IMPA1: variants seen among roughly 807,000 people sequenced by gnomAD.
The protein encoded by IMPA1 is D-galactose 1-phosphate phosphatase.
IMPA1 carries 21 observed loss-of-function variants against 34.9 expected under a neutral mutation model. The observed-to-expected ratio is 0.60, with a 90% CI of 0.43 to 0.87. The LOEUF (loss-of-function observed/expected upper bound fraction) is 0.87. Among genes scored for constraint, IMPA1 ranks in the 40% least tolerant of loss-of-function variants. The pLI is 0.00. For missense variants in IMPA1, 299 were observed against 336.4 expected, an observed-to-expected ratio of 0.89 and a Z score of 0.87; for synonymous variants, 95 against 104.4, an observed-to-expected ratio of 0.91 and a Z score of 0.55.
chr8:81,680,574 C>G, intron 3 of IMPA1, 76 bp downstream of exon 3: 1 of 1,110,404 alleles, frequency 9.0e-7, no homozygotes, highest in Middle Eastern at 2.9e-4. Context: ...ACCGTGTAGT[C>G]AAGCTACTCT....
At chr8:81,678,000 T>C (rs1481768621) in intron 4 of IMPA1, among the ~76,000 whole-genome samples, 1 of 152,236 alleles carries the variant, frequency 6.6e-6, no homozygotes, top group Non-Finnish European at 1.5e-5. Flanking sequence ...CTTACATTAA[T>C]GTACTACTCA....
chr8:81,661,023 C>T (rs1806658662), intron 7 of IMPA1, among the ~76,000 whole-genome samples: 1 of 152,142 alleles, frequency 6.6e-6, no homozygotes, highest in Admixed American at 6.5e-5. Context: ...CACATATACA[C>T]ATACCCACAA....
At chr8:81,682,038 T>C (rs1224977270) in intron 1 of IMPA1, among the ~76,000 whole-genome samples, 1 of 152,060 alleles carries the variant, frequency 6.6e-6, no homozygotes, top group Non-Finnish European at 1.5e-5. Context: ...GGTTCAGAGA[T>C]GAGAAATAAT....
chr8:81,679,667 G>C (rs1055439530), intron 3 of IMPA1, among the ~76,000 whole-genome samples: 5 of 151,128 alleles, frequency 3.3e-5, no homozygotes, highest in Admixed American at 1.3e-4. Context: ...TTCTATTGTT[G>C]CTTCTTCTTC....
At chr8:81,678,627 G>T in intron 4 of IMPA1, 1 of 188,880 alleles carries the variant, frequency 5.3e-6, no homozygotes, top group Non-Finnish European at 1.1e-5. Flanking sequence ...GGGAGGTGGG[G>T]GTTGCAGTGA....
In IMPA1 at chr8:81,667,645, T is replaced by C. The variant is rs1284688137; in HGVS notation, c.566+3294A>G. 2.6e-5 allele frequency among the ~76,000 whole-genome samples: 4 copies of C among 152,204 alleles called. No individual in the cohort carries two copies. In the East Asian group the frequency reaches 5.8e-4, roughly 22 times the overall value. On this transcript the variant is annotated intron_variant, in intron 7 of 8. Coordinates refer to ENST00000256108, the MANE Select transcript of IMPA1 (RefSeq NM_005536.4). ...CTTAGAAGACAAGGCCAGGGAAAGT[T>C]TGGAATGCCTTAGAGATTGAGTTAA... is the stretch of plus-strand genomic sequence containing the variant.
At position 81,665,933 on chromosome 8, in the gene IMPA1, G is replaced by A. The variant is rs185739837; in HGVS notation, c.566+5006C>T. On this transcript the variant is annotated intron_variant, in intron 7 of 8. Transcript: ENST00000256108. The stretch of plus-strand genomic sequence containing the variant: ...AACTCAGGGAAAACTGTGCACATGT[G>A]CCCTCCCCCAAGGAATCTACTAGAG... 1.2e-4 allele frequency among the ~76,000 whole-genome samples: 19 copies of A among 152,284 alleles called. No homozygotes were observed. In the East Asian group the frequency reaches 2.5e-3, roughly 20 times the overall value.
chr8:81,686,273 C>T lies in IMPA1; in HGVS notation c.-46G>A, dbSNP rs1807523878. 1.0e-6 allele frequency: 1 copy of T among 999,628 alleles called. No homozygotes were observed. The highest frequency in any genetic ancestry group is 6.0e-5 in the Admixed American group (1 of 16,568). The allele number at this position is 999,628 out of a possible 1,614,324, so 61.9% of individuals were successfully genotyped here. On this transcript the variant is annotated 5_prime_UTR_variant, in exon 1 of 9. Coordinates refer to ENST00000256108, the MANE Select transcript of IMPA1 (RefSeq NM_005536.4). ...TCACCTTGAGTCGGAGGACGTCCGG[C>T]TAGCTCTGTGAACGGTGTTACCGCA... is the stretch of plus-strand genomic sequence containing the variant.
intron 7 of IMPA1, 67 bp downstream of exon 7, chr8:81,670,872 A>G (rs1806965979): frequency 1.3e-6 from 1 of 749,856 alleles, no homozygotes; most frequent in Non-Finnish European, 2.2e-6. Context: ...GGTACAGGAA[A>G]AAAAAAAGGT....
At chr8:81,673,590 T>C (rs1014587622) in intron 6 of IMPA1, among the ~76,000 whole-genome samples, 5 of 152,204 alleles carry the variant, frequency 3.3e-5, no homozygotes, top group East Asian at 1.9e-4. Context: ...GGGTTCACAA[T>C]AGGAAGCCAG....
intron 7 of IMPA1, among the ~76,000 whole-genome samples, chr8:81,661,652 G>A (rs1015079029): frequency 6.6e-6 from 1 of 152,160 alleles, no homozygotes; most frequent in African/African-American, 2.4e-5. Flanking sequence ...ACAACTAAAT[G>A]CAATACATGA....
rs564356666 is a variant in IMPA1, at chr8:81,683,789, T to C, written c.-24-2205A>G. On this transcript the variant is annotated intron_variant, in intron 1 of 8. Transcript: ENST00000256108. ...CAACTGAGGTCCTGAGTCTGGATAA[T>C]CACTGGATAGGCATGATTGACAACT... is the stretch of plus-strand genomic sequence containing the variant. Among the ~76,000 whole-genome samples, 11 of 151,204 alleles carry C rather than the reference T, an allele frequency of 7.3e-5. No individual in the cohort carries two copies. In the South Asian group the frequency reaches 1.9e-3, roughly 26 times the overall value.
intron 8 of IMPA1, 64 bp downstream of exon 8, chr8:81,660,452 A>G: frequency 6.7e-7 from 1 of 1,498,034 alleles, no homozygotes; most frequent in Non-Finnish European, 9.2e-7. Context: ...AGTTTTTTAA[A>G]TTCTACATAT....
chr8:81,673,699 C>A (rs911211579), intron 6 of IMPA1, 142 bp downstream of exon 6: 1 of 589,718 alleles, frequency 1.7e-6, no homozygotes. Context: ...ACATTCAAAG[C>A]TGAAGTCAAA....
At chr8:81,663,958 G>C (rs1806747126) in intron 7 of IMPA1, among the ~76,000 whole-genome samples, 1 of 152,036 alleles carries the variant, frequency 6.6e-6, no homozygotes, top group Non-Finnish European at 1.5e-5. Flanking sequence ...AGAATCACTT[G>C]AACCCCGGAG....
Position 81,665,717 on chromosome 8 carries a change from G to A in IMPA1, c.567-5050C>T, listed in dbSNP as rs141108515. ...TTCAGGGGAAAAAAAACAGCCTCCA[G>A]TTAAAAGATAAAATAATGTAAAAGC... On this transcript the variant is annotated intron_variant, in intron 7 of 8. Coordinates refer to ENST00000256108, the MANE Select transcript of IMPA1 (RefSeq NM_005536.4). Among the ~76,000 whole-genome samples the A allele has an allele frequency of 1.4e-4, 21 of 152,188 alleles. No individual in the cohort carries two copies. In the East Asian group the frequency reaches 4.0e-3, roughly 29 times the overall value.
intron 7 of IMPA1, among the ~76,000 whole-genome samples, chr8:81,667,189 G>A (rs371363999): frequency 2.6e-5 from 4 of 151,932 alleles, no homozygotes; most frequent in East Asian, 3.9e-4. Context: ...CTGGAAATAG[G>A]GAATTATACT....
In IMPA1 at chr8:81,657,639, T is replaced by G. The variant is rs1806555560; in HGVS notation, c.*1712A>C. ...TAGTTTGAACTATTAACTTTAATAA[T>G]GTAAATATCATGGCCTGGCTCGGTG... On this transcript the variant is annotated 3_prime_UTR_variant, in exon 9 of 9. Transcript: ENST00000256108. 6.6e-6 allele frequency among the ~76,000 whole-genome samples: 1 copy of G among 151,634 alleles called. No individual in the cohort carries two copies. Among genetic ancestry groups the G allele is most frequent in the Non-Finnish European group, 1.5e-5 (1 of 67,896 alleles).
rs949559373 is a variant in IMPA1 at position 81,658,436 on chromosome 8, C to T, written c.*915G>A. 1 of 152,228 alleles carries T rather than the reference C, an allele frequency of 6.6e-6. No individual in the cohort carries two copies. Among genetic ancestry groups the T allele is most frequent in the African/African-American group, 2.4e-5 (1 of 41,432 alleles). The allele number at this position is 152,228 out of a possible 1,614,324, so 9.4% of individuals were successfully genotyped here. A position where few individuals can be genotyped will look rare whatever the true frequency, so the allele number is the denominator to read the frequency against. On this transcript the variant is annotated 3_prime_UTR_variant, in exon 9 of 9. Coordinates refer to ENST00000256108, the MANE Select transcript of IMPA1 (RefSeq NM_005536.4). ...AATACAGTATATTTGCCAGCACAAT[C>T]AAATCAGTATAAACACCTTTAAAAC...
Sources: gnomAD v4.1 joint callset for allele counts (sites outside exome capture counted in the v4.1 genomes callset) on GRCh38, gnomAD v4.1.1 for gene constraint, MANE v1.5 for transcripts, NCBI Gene and HGNC (gene_info 2026-07-23, HGNC 2026-07-21) for gene names.